The following SIPA1L1 variants were observed in gnomAD, a reference collection of about 807,000 sequenced individuals.
SIPA1L1 encodes the protein signal induced proliferation associated 1 like 1.
Under a neutral mutation model 162.7 loss-of-function variants are expected in SIPA1L1, and 26 were observed. That is an observed-to-expected ratio of 0.16 (90% CI 0.12 to 0.22). SIPA1L1 has a LOEUF of 0.22. Ranked by LOEUF, SIPA1L1 falls within the 10% of genes least tolerant of loss-of-function variation. The pLI is 1.00. For synonymous variants in SIPA1L1, 829 were observed against 837.4 expected (o/e 0.99, Z 0.17); for missense variants, 1,874 against 2,241.0 (o/e 0.84, Z 3.31).
chr14:71,350,529 T>C (rs949135560), intron 2 of SIPA1L1, among the ~76,000 whole-genome samples: 7 of 152,270 alleles, frequency 4.6e-5, no homozygotes, highest in African/African-American at 1.7e-4. Context: ...GACTTGGGGC[T>C]TTTATACGCC....
At chr14:71,557,631 C>A (rs577029003) in intron 4 of SIPA1L1, among the ~76,000 whole-genome samples, 1 of 152,178 alleles carries the variant, frequency 6.6e-6, no homozygotes, top group South Asian at 2.1e-4. Flanking sequence ...TTATTGAATA[C>A]AAATATGAAA....
chr14:71,642,979 A>C (rs561157464), intron 7 of SIPA1L1, among the ~76,000 whole-genome samples: 52 of 151,920 alleles, frequency 3.4e-4, no homozygotes, highest in African/African-American at 1.1e-3. Flanking sequence ...AAAAAAAAAA[A>C]CAAAAAACCC....
chr14:71,422,537 G>A (rs2043263793), intron 2 of SIPA1L1, among the ~76,000 whole-genome samples: 1 of 152,034 alleles, frequency 6.6e-6, no homozygotes, highest in South Asian at 2.1e-4. Context: ...CAATGATTTA[G>A]GCTACTTGAA....
chr14:71,367,303 CTT>C (rs148859626), intron 2 of SIPA1L1, among the ~76,000 whole-genome samples: 2,808 of 130,154 alleles, frequency 0.022, 94 homozygotes, highest in African/African-American at 0.074. Context: ...ACATTCATTG[CTT>C]TTTTTTTTTT....
At chr14:71,550,259 A>C (rs994492559) in intron 4 of SIPA1L1, among the ~76,000 whole-genome samples, 2 of 152,080 alleles carry the variant, frequency 1.3e-5, no homozygotes, top group South Asian at 4.1e-4. Flanking sequence ...CAAAAACAGA[A>C]ATTTTTTTTT....
intron 2 of SIPA1L1, among the ~76,000 whole-genome samples, chr14:71,328,744 AT>A (rs1351983927): frequency 6.6e-6 from 1 of 152,216 alleles, no homozygotes; most frequent in Non-Finnish European, 1.5e-5. Context: ...TGTACATGCA[AT>A]TTGATAATTG....
chr14:71,538,285 T>G lies in SIPA1L1; in HGVS notation c.-303+8915T>G, dbSNP rs548303903. On this transcript the variant is annotated intron_variant, in intron 4 of 23. Transcript: ENST00000381232. ...TTCTAACTATTCTTACTTTTTTTTT[T>G]CTTCAGTCTTCCATAAATTAGCCGA... Among the ~76,000 whole-genome samples, 119 of 152,308 alleles carry G rather than the reference T, an allele frequency of 7.8e-4. 1 individual carries two copies. The highest frequency in any genetic ancestry group is 2.6e-3 in the African/African-American group (107 of 41,556).
chr14:71,474,854 T>C, intron 2 of SIPA1L1, among the ~76,000 whole-genome samples: 1 of 152,150 alleles, frequency 6.6e-6, no homozygotes, highest in East Asian at 1.9e-4. Flanking sequence ...TATTCCAGCC[T>C]GAAAAAAAAC....
intron 2 of SIPA1L1, among the ~76,000 whole-genome samples, chr14:71,471,814 A>G (rs565769756): frequency 3.9e-5 from 6 of 152,318 alleles, no homozygotes; most frequent in South Asian, 2.1e-4. Context: ...TTACATTTCA[A>G]AGTCTTCAGT....
chr14:71,614,177 C>T (rs1422195798), intron 5 of SIPA1L1, among the ~76,000 whole-genome samples: 1 of 150,152 alleles, frequency 6.7e-6, no homozygotes, highest in Non-Finnish European at 1.5e-5. Flanking sequence ...AAGATCATGC[C>T]ACGGCACTCC....
At chr14:71,731,424 C>T (rs1381851910) in intron 20 of SIPA1L1, among the ~76,000 whole-genome samples, 1 of 152,198 alleles carries the variant, frequency 6.6e-6, no homozygotes, top group Non-Finnish European at 1.5e-5. Context: ...CCAAGGTTGG[C>T]ACATGAAATG....
intron 5 of SIPA1L1, among the ~76,000 whole-genome samples, chr14:71,617,960 A>T (rs1211609431): frequency 1.3e-5 from 2 of 152,234 alleles, no homozygotes; most frequent in Non-Finnish European, 2.9e-5. Context: ...TATGCACAGT[A>T]AATATCACTT....
chr14:71,330,599 G>A (rs2034410106), intron 2 of SIPA1L1: 5 of 1,027,374 alleles, frequency 4.9e-6, no homozygotes, highest in Non-Finnish European at 7.8e-6. Flanking sequence ...TGAGCTTCAG[G>A]AGGCTTCTTC....
intron 2 of SIPA1L1, among the ~76,000 whole-genome samples, chr14:71,435,948 G>T (rs575348225): frequency 6.6e-6 from 1 of 152,208 alleles, no homozygotes; most frequent in East Asian, 1.9e-4. Flanking sequence ...ATTTTTTCAT[G>T]TGTCTGTTGG....
intron 2 of SIPA1L1, among the ~76,000 whole-genome samples, chr14:71,504,321 A>G (rs1413258552): frequency 1.3e-5 from 2 of 152,192 alleles, no homozygotes; most frequent in Non-Finnish European, 2.9e-5. Context: ...ATGAGCATGA[A>G]TAAACGTTAC....
intron 2 of SIPA1L1, among the ~76,000 whole-genome samples, chr14:71,430,003 T>A (rs572614143): frequency 6.6e-6 from 1 of 152,168 alleles, no homozygotes; most frequent in Non-Finnish European, 1.5e-5. Flanking sequence ...TAAAGCTAGG[T>A]GTGAGGGTTG....
intron 2 of SIPA1L1, among the ~76,000 whole-genome samples, chr14:71,505,429 T>C (rs2050582949): frequency 6.6e-6 from 1 of 151,774 alleles, no homozygotes; most frequent in Admixed American, 6.6e-5. Context: ...TTCTTTTTTT[T>C]TTTTTTTTAG....
At chr14:71,645,643 G>C (rs922405247) in intron 7 of SIPA1L1, among the ~76,000 whole-genome samples, 1 of 152,162 alleles carries the variant, frequency 6.6e-6, no homozygotes, top group Non-Finnish European at 1.5e-5. Context: ...TTTGGGGAAG[G>C]GGTGAGTGTA....
intron 2 of SIPA1L1, among the ~76,000 whole-genome samples, chr14:71,351,540 G>A (rs2036707914): frequency 6.6e-6 from 1 of 152,164 alleles, no homozygotes; most frequent in East Asian, 1.9e-4. Context: ...TGCAGCCTTA[G>A]CTTTCATTTA....
Sources: allele counts gnomAD v4.1 joint callset (sites outside exome capture counted in the v4.1 genomes callset), GRCh38; gene constraint gnomAD v4.1.1; transcripts MANE v1.5; gene names NCBI Gene and HGNC (gene_info 2026-07-23, HGNC 2026-07-21).